GIPC2: variants seen among roughly 807,000 people sequenced by gnomAD.
GIPC2 encodes GIPC PDZ domain containing family member 2.
Under a neutral mutation model 30.6 loss-of-function variants are expected in GIPC2, and 30 were observed. That is an observed-to-expected ratio of 0.98 (90% CI 0.73 to 1.33). The LOEUF is 1.33. Ranked by LOEUF, GIPC2 falls within the 40% of genes most tolerant of loss-of-function variation. The pLI is 0.00. For synonymous variants in GIPC2, 167 were observed against 150.0 expected (o/e 1.11, Z -0.83); for missense variants, 414 against 390.3 (o/e 1.06, Z -0.51).
intron 1 of GIPC2, among the ~76,000 whole-genome samples, chr1:78,047,680 C>CCATCTT (rs1369147228): frequency 6.6e-6 from 1 of 152,030 alleles, no homozygotes; most frequent in Non-Finnish European, 1.5e-5. Flanking sequence ...TCAGTTTTCG[C>CCATCTT]CATCTGTAAA....
chr1:78,126,340 A>T (rs1662781818), intron 5 of GIPC2, among the ~76,000 whole-genome samples: 1 of 152,216 alleles, frequency 6.6e-6, no homozygotes, highest in East Asian at 1.9e-4. Flanking sequence ...TAACAGGGTT[A>T]CTGAAGCCCT....
chr1:78,111,389 C>T (rs1468801496), intron 3 of GIPC2, among the ~76,000 whole-genome samples: 4 of 152,156 alleles, frequency 2.6e-5, no homozygotes, highest in East Asian at 1.9e-4. Flanking sequence ...GCTGGGCTTA[C>T]ACTCATCCAC....
intron 3 of GIPC2, among the ~76,000 whole-genome samples, chr1:78,095,359 T>G (rs372701667): frequency 6.6e-6 from 1 of 152,172 alleles, no homozygotes; most frequent in African/African-American, 2.4e-5. Flanking sequence ...TTCCAAACAT[T>G]TGAAATTACA....
intron 2 of GIPC2, chr1:78,091,827 G>C (rs753508896): frequency 4.0e-5 from 31 of 777,340 alleles, no homozygotes; most frequent in Non-Finnish European, 7.0e-5. Context: ...GCTGATAATA[G>C]AAGGATGTCT....
chr1:78,099,939 A>G (rs1270739846), intron 3 of GIPC2, among the ~76,000 whole-genome samples: 1 of 152,218 alleles, frequency 6.6e-6, no homozygotes, highest in African/African-American at 2.4e-5. Context: ...GTGGCGTCAC[A>G]GGAAATGAAG....
rs114582732 is a variant in GIPC2, at chr1:78,103,794, G to A, written c.607+8662G>A. 2.1e-3 allele frequency among the ~76,000 whole-genome samples: 314 copies of A among 152,318 alleles called. 4 individuals carry two copies. Among genetic ancestry groups the A allele is most frequent in the African/African-American group, 6.8e-3 (281 of 41,578 alleles). Reference sequence around the variant, plus strand: ...CTTAGAGAGTGATAGGGATTGAGAGGTAGTAAGATTGGAAAGAAACTCCCT... The same window carrying A: ...CTTAGAGAGTGATAGGGATTGAGAGATAGTAAGATTGGAAAGAAACTCCCT... On this transcript the variant is annotated intron_variant, in intron 3 of 5. Coordinates refer to ENST00000370759, the MANE Select transcript of GIPC2 (RefSeq NM_017655.6).
intron 2 of GIPC2, among the ~76,000 whole-genome samples, chr1:78,092,437 AG>A (rs1383102712): frequency 6.6e-6 from 1 of 152,210 alleles, no homozygotes; most frequent in Non-Finnish European, 1.5e-5. Context: ...AAAGTTCCTG[AG>A]TGTTATAGAG....
intron 1 of GIPC2, among the ~76,000 whole-genome samples, chr1:78,058,241 C>A (rs1260767497): frequency 6.6e-6 from 1 of 152,108 alleles, no homozygotes; most frequent in Non-Finnish European, 1.5e-5. Flanking sequence ...GTTAATGATA[C>A]TTGTCATCAC....
upstream of GIPC2, chr1:78,045,698 A>T: frequency 1.0e-6 from 1 of 985,486 alleles, no homozygotes; most frequent in Non-Finnish European, 1.2e-6. Context: ...CCTGTGGCCA[A>T]ATCATGCGTG....
intron 1 of GIPC2, among the ~76,000 whole-genome samples, chr1:78,062,697 A>T (rs1571479451): frequency 1.3e-5 from 2 of 150,354 alleles, no homozygotes; most frequent in Middle Eastern, 3.4e-3. Context: ...TATTTTTGGT[A>T]GAGATGGGGT....
At chr1:78,121,188 A>C (rs1252351687) in intron 4 of GIPC2, among the ~76,000 whole-genome samples, 1 of 152,148 alleles carries the variant, frequency 6.6e-6, no homozygotes, top group Admixed American at 6.6e-5. Context: ...AGAAAACTGC[A>C]AGTTTGGGGT....
rs186767812 is a variant in GIPC2 at position 78,123,962 on chromosome 1, T to C, written c.715-1919T>C. ...TAAATAAAAATGTGAGAAAGTTGTA[T>C]TAATATCTTCAAGGAAATAGATTTT... On this transcript the variant is annotated intron_variant, in intron 4 of 5. Transcript: ENST00000370759. 1.5e-3 allele frequency among the ~76,000 whole-genome samples: 233 copies of C among 152,370 alleles called. 4 individuals carry two copies. Among genetic ancestry groups the C allele is most frequent in the African/African-American group, 5.5e-3 (228 of 41,588 alleles).
At chr1:78,046,375 C>A in intron 1 of GIPC2, 41 bp downstream of exon 1, 1 of 1,443,164 alleles carries the variant, frequency 6.9e-7, no homozygotes, top group Non-Finnish European at 9.5e-7. Context: ...CTCTCCGCCG[C>A]GCCGCGCCGC....
At chr1:78,101,516 A>G (rs897428266) in intron 3 of GIPC2, among the ~76,000 whole-genome samples, 1 of 152,210 alleles carries the variant, frequency 6.6e-6, no homozygotes, top group Non-Finnish European at 1.5e-5. Flanking sequence ...TTTATGGGTC[A>G]TGATATAACG....
At chr1:78,114,651 C>G (rs918247702) in intron 3 of GIPC2, among the ~76,000 whole-genome samples, 1 of 151,768 alleles carries the variant, frequency 6.6e-6, no homozygotes, top group African/African-American at 2.4e-5. Context: ...AAAAAAAAAT[C>G]TGGGATGTAT....
chr1:78,071,865 G>A (rs941959582), intron 1 of GIPC2, among the ~76,000 whole-genome samples: 5 of 152,146 alleles, frequency 3.3e-5, no homozygotes, highest in Non-Finnish European at 7.3e-5. Context: ...ACATGTCTGA[G>A]CTGGTTTTCT....
chr1:78,080,714 G>A lies in GIPC2; in HGVS notation c.280G>A (p.Glu94Lys). Residue 94 changes from glutamate to lysine, a missense_variant, in exon 2 of 6, where the codon GAA (glutamate) becomes AAA (lysine). Transcript: ENST00000370759. Reference sequence around the variant, plus strand: ...TTTAAACACACCTAAAATTGACATGGAAAGACTCTTAGGAGGACAACTAGG... The same window carrying A: ...TTTAAACACACCTAAAATTGACATGAAAAGACTCTTAGGAGGACAACTAGG... The part of the protein sequence containing the change: ...CTLNTPKIDM[E>K]RLLGGQLGLE... The A allele has an allele frequency of 6.2e-7, 1 of 1,608,758 alleles. No homozygotes were observed. The highest frequency in any genetic ancestry group is 8.5e-7 in the Non-Finnish European group (1 of 1,176,268).
intron 5 of GIPC2, among the ~76,000 whole-genome samples, chr1:78,127,741 G>A (rs1414811648): frequency 1.3e-5 from 2 of 152,188 alleles, no homozygotes; most frequent in African/African-American, 4.8e-5. Context: ...CCAGGCTGGA[G>A]TGCAGTGGCA....
At chr1:78,103,014 T>G (rs1662276548) in intron 3 of GIPC2, among the ~76,000 whole-genome samples, 1 of 152,204 alleles carries the variant, frequency 6.6e-6, no homozygotes, top group African/African-American at 2.4e-5. Context: ...TTCCTAGGAC[T>G]TTCTAAGTAG....
Sources: gnomAD v4.1 joint callset for allele counts (sites outside exome capture counted in the v4.1 genomes callset) on GRCh38, gnomAD v4.1.1 for gene constraint, MANE v1.5 for transcripts, NCBI Gene and HGNC (gene_info 2026-07-23, HGNC 2026-07-21) for gene names.